The following RUNX3 variants were observed in gnomAD, a reference collection of about 807,000 sequenced individuals.
RUNX3 encodes the protein RUNX family transcription factor 3, also known as runt-related transcription factor 3.
In RUNX3, 10 loss-of-function variants were observed where a neutral mutation model predicts 27.7. The ratio of observed to expected loss-of-function variants is 0.36; its 90% CI spans 0.22 to 0.61. The LOEUF (loss-of-function observed/expected upper bound fraction) is 0.61. Among genes scored for constraint, RUNX3 ranks in the 20% least tolerant of loss-of-function variants. The pLI, the probability that RUNX3 is intolerant of heterozygous loss-of-function variation, is 0.72. For synonymous variants in RUNX3, 270 were observed against 269.2 expected (o/e 1.00, Z -0.03); for missense variants, 469 against 629.5 (o/e 0.75, Z 2.73).
At chr1:24,913,191 G>A (rs768156233) in intron 3 of RUNX3, among the ~76,000 whole-genome samples, 11 of 152,346 alleles carry the variant, frequency 7.2e-5, no homozygotes, top group Non-Finnish European at 1.0e-4. Context: ...GGAAAGCCCC[G>A]CGTTGGCCCT....
rs577501635 is a variant in RUNX3 at position 24,906,719 on chromosome 1, C to T, written c.703+540G>A. 6.6e-5 allele frequency among the ~76,000 whole-genome samples: 10 copies of T among 152,326 alleles called. No individual in the cohort carries two copies. In the South Asian group the frequency reaches 1.7e-3, roughly 25 times the overall value. ...GGATGCTCTGGGCAGGGTGGGAGACCTTTCCCAGGAATGCTATGTGCCTCT... is the reference window on the plus strand; with the variant it reads ...GGATGCTCTGGGCAGGGTGGGAGACTTTTCCCAGGAATGCTATGTGCCTCT... On this transcript the variant is annotated intron_variant, in intron 4 of 4. Coordinates refer to ENST00000308873, the MANE Select transcript of RUNX3 (RefSeq NM_004350.3).
intron 2 of RUNX3, among the ~76,000 whole-genome samples, chr1:24,922,892 G>C (rs756458256): frequency 6.6e-5 from 10 of 150,438 alleles, no homozygotes; most frequent in Non-Finnish European, 1.5e-4. Context: ...TTCTCACAAT[G>C]CATATGCTTT....
At chr1:24,958,106 C>T (rs745460853) in intron 2 of RUNX3, among the ~76,000 whole-genome samples, 2 of 152,176 alleles carry the variant, frequency 1.3e-5, no homozygotes, top group African/African-American at 2.4e-5. Flanking sequence ...GGGCCCGAGC[C>T]GATCAGGAGG....
chr1:24,932,706 G>A (rs764447606), upstream of RUNX3, among the ~76,000 whole-genome samples: 2 of 152,134 alleles, frequency 1.3e-5, no homozygotes, highest in Admixed American at 6.5e-5. Context: ...TCCCCATCCC[G>A]GACCGACAAA....
rs561742206 is a variant in RUNX3 at position 24,914,832 on chromosome 1, C to T, written c.544+4408G>A. Among the ~76,000 whole-genome samples the T allele has an allele frequency of 5.4e-4, 82 of 152,104 alleles. 1 individual carries two copies. The highest frequency in any genetic ancestry group is 8.8e-4 in the Non-Finnish European group (60 of 67,964). On this transcript the variant is annotated intron_variant, in intron 3 of 4. Transcript: ENST00000308873. ...CTCAGGGTCACTTCTCCTGCCCACG[C>T]CAAACCCTCGGCAGCCACACTCTGC...
chr1:24,902,658 C>G lies in RUNX3; in HGVS notation c.712G>C (p.Glu238Gln), dbSNP rs773316066. 3.0e-5 allele frequency: 46 copies of G among 1,519,082 alleles called. No homozygotes were observed. The Admixed American group carries it at 3.2e-4, about 11-fold the overall frequency. The allele number at this position is 1,519,082 out of a possible 1,614,324, so 94.1% of individuals were successfully genotyped here. A position where few individuals can be genotyped will look rare whatever the true frequency, so the allele number is the denominator to read the frequency against. ...CGGGGGTCGGAGAATGGGTTCAGTT[C>G]CGAGGTGCCTGGAGGACAGCAGGGA... ...QPQTPIQGTSELNPFSDPRQF... is the reference protein window; with the variant it reads ...QPQTPIQGTSQLNPFSDPRQF... Residue 238 changes from glutamate to glutamine, a missense_variant, in exon 5 of 5, where the codon GAA becomes CAA. This residue lies in a region of RUNX3 where 279 missense variants were observed against 343.0 expected (regional missense o/e 0.81). Coordinates refer to ENST00000308873, the MANE Select transcript of RUNX3 (RefSeq NM_004350.3). The surrounding 1 kb of genome is among the most constrained non-coding windows in gnomAD (Gnocchi z 9.2).
At chr1:24,949,045 A>G (rs1359538818) in intron 2 of RUNX3, among the ~76,000 whole-genome samples, 1 of 152,094 alleles carries the variant, frequency 6.6e-6, no homozygotes, top group Non-Finnish European at 1.5e-5. Flanking sequence ...CTGAAGTCTT[A>G]TAACCACAGT....
chr1:24,949,613 C>T (rs1170393219), intron 2 of RUNX3, among the ~76,000 whole-genome samples: 1 of 152,264 alleles, frequency 6.6e-6, no homozygotes, highest in African/African-American at 2.4e-5. Context: ...GAACTGTGAC[C>T]TGGCCTCCTG....
At chr1:24,930,371 C>CATCGCGGGCACCTCGGTGGCG (rs1403026151), upstream of RUNX3, 20 of 353,512 alleles carry the variant, frequency 5.7e-5, no homozygotes, top group Non-Finnish European at 1.6e-5. This position sits in a 1 kb window ranked among gnomAD's most constrained non-coding sequence, Gnocchi z 4.1. Flanking sequence ...GCGGAGCCCC[C>CATCGCGGGCACCTCGGTGGCG]ATCGCGGGCA....
chr1:24,936,724 C>A (rs1417466693), intron 2 of RUNX3, among the ~76,000 whole-genome samples: 1 of 152,202 alleles, frequency 6.6e-6, no homozygotes, highest in Non-Finnish European at 1.5e-5. Context: ...TGGGCCCAGC[C>A]AGGCCCATTA....
At chr1:24,964,143 G>A (rs148403774) in intron 2 of RUNX3, among the ~76,000 whole-genome samples, 134 of 152,328 alleles carry the variant, frequency 8.8e-4, no homozygotes, top group Non-Finnish European at 1.1e-3. Context: ...CCCAGGTGGG[G>A]AGTCCCAGGC....
chr1:24,930,180 C>G lies in RUNX3; in HGVS notation c.-312G>C. ...GGGCCGCGGCGGGGCCCGCGCGGGG[C>G]TGTGCCGCTGCCGCCGCCTCCCGCC... On this transcript the variant is annotated 5_prime_UTR_variant, in exon 1 of 5. Coordinates refer to ENST00000308873, the MANE Select transcript of RUNX3 (RefSeq NM_004350.3). The surrounding 1 kb of genome is among the most constrained non-coding windows in gnomAD (Gnocchi z 4.1). 1.0e-6 allele frequency: 1 copy of G among 979,118 alleles called. No homozygotes were observed. The highest frequency in any genetic ancestry group is 1.2e-6 in the Non-Finnish European group (1 of 826,990). The allele number at this position is 979,118 out of a possible 1,614,324, so 60.7% of individuals were successfully genotyped here.
Position 24,901,383 on chromosome 1 carries a change from C to T in RUNX3, c.*739G>A, listed in dbSNP as rs749076361. ...GAGCTGGTAAAGTGCATGGAGGAGC[C>T]GGTCTGTAGGTGCTTTCCTGGGTTT... is the stretch of plus-strand genomic sequence containing the variant. On this transcript the variant is annotated 3_prime_UTR_variant, in exon 5 of 5. Transcript: ENST00000308873. 3.9e-5 allele frequency: 6 copies of T among 152,682 alleles called. No individual in the cohort carries two copies. Among genetic ancestry groups the T allele is most frequent in the Non-Finnish European group, 8.8e-5 (6 of 68,082 alleles). 9.5% of individuals were successfully genotyped at this position (152,682 alleles called of 1,614,324 possible). A position where few individuals can be genotyped will look rare whatever the true frequency, so the allele number is the denominator to read the frequency against.
intron 2 of RUNX3, among the ~76,000 whole-genome samples, chr1:24,920,646 T>G (rs924588446): frequency 6.6e-6 from 1 of 152,264 alleles, no homozygotes; most frequent in Non-Finnish European, 1.5e-5. Flanking sequence ...GTTAATACTT[T>G]CCATGCTGTA....
intron 1 of RUNX3, among the ~76,000 whole-genome samples, chr1:24,928,109 A>G (rs1433690389): frequency 1.3e-5 from 2 of 152,230 alleles, no homozygotes; most frequent in African/African-American, 4.8e-5. Context: ...CCTAGCAACG[A>G]AGTCTCCAAA....
At chr1:24,951,977 A>G (rs1425681874) in intron 2 of RUNX3, among the ~76,000 whole-genome samples, 3 of 152,218 alleles carry the variant, frequency 2.0e-5, no homozygotes, top group African/African-American at 7.2e-5. Flanking sequence ...TCAAATACAT[A>G]TATAAACAAA....
At chr1:24,909,035 T>C (rs998819125) in intron 3 of RUNX3, among the ~76,000 whole-genome samples, 2 of 152,148 alleles carry the variant, frequency 1.3e-5, no homozygotes, top group Admixed American at 1.3e-4. Context: ...GCCAGCATTT[T>C]CCACTCCCTA....
At chr1:24,937,036 A>G (rs1641363862) in intron 2 of RUNX3, among the ~76,000 whole-genome samples, 1 of 152,242 alleles carries the variant, frequency 6.6e-6, no homozygotes, top group Non-Finnish European at 1.5e-5. Flanking sequence ...GAGGTGGGCA[A>G]CAGTCGGTCT....
chr1:24,924,117 A>C (rs1420836599), intron 2 of RUNX3, among the ~76,000 whole-genome samples: 1 of 152,182 alleles, frequency 6.6e-6, no homozygotes, highest in Non-Finnish European at 1.5e-5. Flanking sequence ...CTGTAATCCC[A>C]ACACTTTGAG....
Sources: gnomAD v4.1 joint callset for allele counts (sites outside exome capture counted in the v4.1 genomes callset) on GRCh38, gnomAD v4.1.1 for gene constraint, gnomAD v4.1.1 regional missense constraint, Gnocchi (gnomAD v3.1) non-coding constraint, MANE v1.5 for transcripts, NCBI Gene and HGNC (gene_info 2026-07-23, HGNC 2026-07-21) for gene names.